Variants in DMD observed in about 807,000 individuals in gnomAD.
DMD encodes the protein dystrophin.
Under a neutral mutation model 330.1 loss-of-function variants are expected in DMD, and 63 were observed. The ratio of observed to expected loss-of-function variants is 0.19; its 90% confidence interval spans 0.16 to 0.24. DMD has a LOEUF of 0.24. DMD is among the 10% of genes least tolerant of loss of function. The pLI, the probability that DMD is intolerant of heterozygous loss-of-function variation, is 1.00. For missense variants in DMD, 3,344 were observed against 2,684.1 expected, an observed-to-expected ratio of 1.25 and a Z score of -5.43; for synonymous variants, 1,223 against 959.8, an observed-to-expected ratio of 1.27 and a Z score of -5.07.
At chrX:32,883,701 G>A (rs2084192429) in intron 2 of DMD, among the ~76,000 whole-genome samples, 1 of 107,138 alleles carries the variant, frequency 9.3e-6, no homozygotes, top group African/African-American at 3.4e-5. Context: ...GCGGGCACCT[G>A]TAGTCCCAGC....
intron 12 of DMD, among the ~76,000 whole-genome samples, chrX:32,611,593 T>C (rs1009902386): frequency 8.9e-6 from 1 of 112,078 alleles, no homozygotes; most frequent in Admixed American, 9.5e-5. Context: ...ATTAAGATCC[T>C]GGATAGCTTG....
At chrX:31,767,137 C>A (rs1306913461) in intron 51 of DMD, among the ~76,000 whole-genome samples, 1 of 111,700 alleles carries the variant, frequency 9.0e-6, no homozygotes, top group Non-Finnish European at 1.9e-5. Context: ...AATTAAAGCA[C>A]AAAATTTGTA....
chrX:32,275,549 A>G (rs1045362567), intron 43 of DMD, among the ~76,000 whole-genome samples: 3 of 112,163 alleles, frequency 2.7e-5, no homozygotes, highest in African/African-American at 9.7e-5. Flanking sequence ...AAAAACTTAA[A>G]GGTTAAAAAT....
At chrX:31,810,774 A>C (rs2092436115) in intron 50 of DMD, among the ~76,000 whole-genome samples, 2 of 112,081 alleles carry the variant, frequency 1.8e-5, no homozygotes. Context: ...TATTAGGAAT[A>C]CATGTTGAAG....
intron 44 of DMD, among the ~76,000 whole-genome samples, chrX:32,124,763 T>G (rs1463092152): frequency 9.0e-6 from 1 of 110,674 alleles, no homozygotes; most frequent in Non-Finnish European, 1.9e-5. Flanking sequence ...TAGGACAGCA[T>G]GCAGCAAGAG....
chrX:32,218,655 G>A (rs1448704703), intron 43 of DMD, among the ~76,000 whole-genome samples: 1 of 111,811 alleles, frequency 8.9e-6, no homozygotes, highest in Non-Finnish European at 1.9e-5. Context: ...GCCAGGCACC[G>A]GGCTCTGTGC....
At chrX:32,919,361 A>G in intron 2 of DMD, among the ~76,000 whole-genome samples, 1 of 112,097 alleles carries the variant, frequency 8.9e-6, no homozygotes. Context: ...TTGCATGTCT[A>G]AGAACATCCC....
intron 7 of DMD, among the ~76,000 whole-genome samples, chrX:32,771,383 A>G (rs1003352702): frequency 9.0e-6 from 1 of 111,274 alleles, no homozygotes; most frequent in African/African-American, 3.3e-5. Context: ...TGTAACTACT[A>G]CAGATGAAAA....
chrX:33,272,127 G>A (rs910910715), intron 1 of DMD, among the ~76,000 whole-genome samples: 5 of 111,885 alleles, frequency 4.5e-5, no homozygotes, highest in South Asian at 3.7e-4. Context: ...CAGGTGATCC[G>A]CCTGCCTCAG....
chrX:32,728,228 T>A (rs988440938), intron 7 of DMD, among the ~76,000 whole-genome samples: 1 of 111,634 alleles, frequency 9.0e-6, no homozygotes, highest in Admixed American at 9.6e-5. Flanking sequence ...CTTTCAAATT[T>A]CTTGTTAGGA....
rs561986393 is a variant in DMD, at chrX:32,983,528, TACACACACACACACACACACAC to T, written c.93+36589_93+36610del. On this transcript the variant is annotated intron_variant, in intron 2 of 78. Coordinates refer to ENST00000357033, the MANE Select transcript of DMD (RefSeq NM_004006.3). ...TGTGATGAAACTGTACAGAACTAAATACACACACACACACACACACACACACACACACACACACACACACACA... is the reference window on the plus strand; with the variant it reads ...TGTGATGAAACTGTACAGAACTAAATACACACACACACACACACACACACA... Among the ~76,000 whole-genome samples the T allele has an allele frequency of 4.9e-4, 36 of 73,563 alleles. No homozygotes were observed. In the Admixed American group the frequency reaches 5.4e-3, roughly 11 times the overall value. The allele number at this position is 73,563 out of a possible 115,157, so 63.9% of individuals were successfully genotyped here.
chrX:32,430,917 T>A lies in DMD; in HGVS notation c.4071+7324A>T, dbSNP rs150634223. Among the ~76,000 whole-genome samples, 793 of 111,948 alleles carry A rather than the reference T, an allele frequency of 7.1e-3. 9 individuals carry two copies. The highest frequency in any genetic ancestry group is 0.025 in the African/African-American group (764 of 30,860). ...CTTATTTTTTAAGGGCTGAATAATA[T>A]TTCATTGTATGTATATATCACATTT... On this transcript the variant is annotated intron_variant, in intron 29 of 78. Transcript: ENST00000357033.
chrX:32,158,089 G>T (rs964363394), intron 44 of DMD, among the ~76,000 whole-genome samples: 10 of 111,942 alleles, frequency 8.9e-5, no homozygotes, highest in Non-Finnish European at 1.9e-4. Flanking sequence ...AGACTTGAGA[G>T]CCTCTTGGCT....
intron 44 of DMD, among the ~76,000 whole-genome samples, chrX:32,007,389 C>G (rs976721341): frequency 9.1e-6 from 1 of 109,403 alleles, no homozygotes; most frequent in Non-Finnish European, 1.9e-5. Context: ...GAATTCTTCC[C>G]CAGAGCCTTC....
intron 44 of DMD, among the ~76,000 whole-genome samples, chrX:32,078,093 A>C (rs1187492040): frequency 9.0e-6 from 1 of 111,291 alleles, no homozygotes; most frequent in African/African-American, 3.3e-5. Flanking sequence ...ATTTATATTC[A>C]GTTTCCTAGG....
chrX:31,808,143 T>C (rs2092350466), intron 50 of DMD, among the ~76,000 whole-genome samples: 1 of 111,465 alleles, frequency 9.0e-6, no homozygotes, highest in Non-Finnish European at 1.9e-5. Flanking sequence ...CTAGGGGGAA[T>C]AATCGAAATG....
intron 9 of DMD, among the ~76,000 whole-genome samples, chrX:32,680,768 C>A (rs1282531874): frequency 9.1e-6 from 1 of 110,059 alleles, no homozygotes; most frequent in Non-Finnish European, 1.9e-5. Flanking sequence ...ACTCTCCTTC[C>A]ACCCACCCCA....
intron 44 of DMD, among the ~76,000 whole-genome samples, chrX:32,014,352 G>A (rs142360399): frequency 0.01 from 1,137 of 111,064 alleles, 19 homozygotes; most frequent in African/African-American, 0.035. Context: ...ATGTATGATT[G>A]TATGATACAT....
At chrX:31,185,401 T>A (rs889863725) in intron 67 of DMD, among the ~76,000 whole-genome samples, 11 of 111,842 alleles carry the variant, frequency 9.8e-5, no homozygotes, top group Admixed American at 1.9e-4. Flanking sequence ...CCACATCTTT[T>A]TAAAACATCC....
Sources: gnomAD v4.1 joint callset for allele counts (sites outside exome capture counted in the v4.1 genomes callset) on GRCh38, gnomAD v4.1.1 for gene constraint, MANE v1.5 for transcripts, NCBI Gene and HGNC (gene_info 2026-07-23, HGNC 2026-07-21) for gene names.